Variants in DICER1 observed in about 807,000 individuals in gnomAD.
DICER1 encodes the protein endoribonuclease Dicer.
Under a neutral mutation model 194.1 loss-of-function variants are expected in DICER1, and 43 were observed. The observed-to-expected ratio is 0.22, with a 90% CI of 0.17 to 0.29. The LOEUF (loss-of-function observed/expected upper bound fraction) is 0.29, where lower values mean the gene tolerates loss of function less well. Ranked by LOEUF, DICER1 falls within the 10% of genes least tolerant of loss-of-function variation. The pLI, the probability that DICER1 is intolerant of heterozygous loss-of-function variation, is 1.00. For synonymous variants in DICER1, 832 were observed against 820.5 expected (o/e 1.01, Z -0.24); for missense variants, 1,608 against 2,317.0 (o/e 0.69, Z 6.28).
chr14:95,099,529 C>T (rs1890665853), intron 22 of DICER1, among the ~76,000 whole-genome samples: 1 of 151,804 alleles, frequency 6.6e-6, no homozygotes, highest in African/African-American at 2.4e-5. Flanking sequence ...ACTCTTATGC[C>T]TTTGGAAAAG....
At chr14:95,145,067 C>T (rs1489493306) in intron 1 of DICER1, among the ~76,000 whole-genome samples, 1 of 152,210 alleles carries the variant, frequency 6.6e-6, no homozygotes, top group African/African-American at 2.4e-5. Context: ...CAATTTATCA[C>T]TCTTTGTTAA....
chr14:95,142,632 G>A (rs949528398), intron 1 of DICER1, among the ~76,000 whole-genome samples: 2 of 152,166 alleles, frequency 1.3e-5, no homozygotes, highest in Non-Finnish European at 2.9e-5. Flanking sequence ...AATATGTCAA[G>A]TATAATAGCA....
chr14:95,091,444 G>C, intron 24 of DICER1, 79 bp from the exon 25 acceptor site: 1 of 1,346,684 alleles, frequency 7.4e-7, no homozygotes, highest in Non-Finnish European at 1.1e-6. Context: ...TCTTTTCTTG[G>C]ATATATGACT....
chr14:95,099,732 AC>A (rs1427353090), intron 22 of DICER1, 47 bp downstream of exon 22: 1 of 55,146 alleles, frequency 1.8e-5, no homozygotes. Flanking sequence ...CCCTCCAGTT[AC>A]ACACACACAC....
chr14:95,133,599 G>T, intron 1 of DICER1, 96 bp from the exon 2 acceptor site: 1 of 947,636 alleles, frequency 1.1e-6, no homozygotes, highest in Non-Finnish European at 1.6e-6. Context: ...TCATTCCTAT[G>T]AGCCATTCAA....
intron 1 of DICER1, chr14:95,140,621 C>T (rs1394219971): frequency 6.6e-6 from 1 of 152,182 alleles, no homozygotes; most frequent in African/African-American, 2.4e-5. Flanking sequence ...CAAGAATAAA[C>T]TCTCTTCCTC....
chr14:95,136,964 T>C (rs1054867045), intron 1 of DICER1, among the ~76,000 whole-genome samples: 7 of 152,120 alleles, frequency 4.6e-5, no homozygotes, highest in Admixed American at 2.6e-4. Flanking sequence ...TTGAATATTC[T>C]GGGATAAAAG....
At chr14:95,106,863 T>C (rs974063398) in intron 17 of DICER1, among the ~76,000 whole-genome samples, 6 of 152,214 alleles carry the variant, frequency 3.9e-5, no homozygotes, top group Non-Finnish European at 7.3e-5. Flanking sequence ...TCATTATTTA[T>C]AATCAAATTC....
At chr14:95,153,965 T>C (rs902686644) in intron 1 of DICER1, among the ~76,000 whole-genome samples, 1 of 152,138 alleles carries the variant, frequency 6.6e-6, no homozygotes, top group Admixed American at 6.5e-5. Flanking sequence ...TAAGAGCGAG[T>C]ATAATACATA....
chr14:95,156,970 C>A (rs1462092759), intron 1 of DICER1, among the ~76,000 whole-genome samples: 4 of 152,182 alleles, frequency 2.6e-5, no homozygotes, highest in African/African-American at 9.6e-5. Context: ...CCCGGAAAGT[C>A]TCCCAGGGCT....
chr14:95,119,992 A>G (rs1358991164), intron 8 of DICER1, among the ~76,000 whole-genome samples: 1 of 152,244 alleles, frequency 6.6e-6, no homozygotes. Flanking sequence ...TGAAAATAAC[A>G]TAACCAAAAA....
intron 1 of DICER1, among the ~76,000 whole-genome samples, chr14:95,156,092 A>G (rs192566224): frequency 3.3e-5 from 5 of 152,350 alleles, no homozygotes; most frequent in Non-Finnish European, 7.3e-5. Flanking sequence ...TTTTATTTAG[A>G]AAACTTAACG....
At position 95,116,623 on chromosome 14, in the gene DICER1, T is replaced by G. The variant is rs755649018; in HGVS notation, c.1582A>C (p.Ile528Leu). ...CGAACCACCAAGTTGCATTTTGGTA[T>G]ATCAACACCCTCTTCTACAATACTT... is the stretch of plus-strand genomic sequence containing the variant. ...ATSIVEEGVDIPKCNLVVRFD... is the reference protein window; with the variant it reads ...ATSIVEEGVDLPKCNLVVRFD... The change falls in exon 10 of 27, where the codon ATA (isoleucine) becomes CTA (leucine). Residue 528 changes from isoleucine (I) to leucine (L), a missense_variant. Ile to Leu is a conservative substitution (Grantham distance 5). Around this residue, in one of 10 missense-constraint regions of DICER1, gnomAD observed 657 missense variants for 910.1 expected, o/e 0.72. Coordinates refer to ENST00000343455, the MANE Select transcript of DICER1 (RefSeq NM_177438.3). 2 of 1,614,062 alleles carry G rather than the reference T, an allele frequency of 1.2e-6. No individual in the cohort carries two copies. The highest frequency in any genetic ancestry group is 2.2e-5 in the South Asian group (2 of 91,084).
chr14:95,144,435 T>C (rs1440053771), intron 1 of DICER1, among the ~76,000 whole-genome samples: 1 of 152,150 alleles, frequency 6.6e-6, no homozygotes, highest in East Asian at 1.9e-4. Context: ...TTTACTTGCC[T>C]GTAAAACAGA....
chr14:95,101,437 T>C lies in DICER1; in HGVS notation c.4051-1502A>G, dbSNP rs546376804. On this transcript the variant is annotated intron_variant, in intron 21 of 26. Transcript: ENST00000343455. ...ACACTTGTCCAAGCCTCTGATACTT[T>C]CTTCCTGCAACCACCTCTTGGAAAT... is the stretch of plus-strand genomic sequence containing the variant. Among the ~76,000 whole-genome samples the C allele has an allele frequency of 1.5e-3, 234 of 152,314 alleles. 2 individuals are homozygous for C. Among genetic ancestry groups the C allele is most frequent in the Non-Finnish European group, 2.8e-3 (189 of 68,022 alleles).
chr14:95,112,266 T>G lies in DICER1; in HGVS notation c.2041-19A>C, dbSNP rs377578297. 3 of 1,608,074 alleles carry G rather than the reference T, an allele frequency of 1.9e-6. No individual in the cohort carries two copies. The highest frequency in any genetic ancestry group is 2.7e-5 in the African/African-American group (2 of 74,794). Reference sequence around the variant, plus strand: ...GTGGACCCTGAAAATAACAAAAACCTTTCCATTATATATGCACATCGCTGT... The same window carrying G: ...GTGGACCCTGAAAATAACAAAAACCGTTCCATTATATATGCACATCGCTGT... On this transcript the variant is annotated intron_variant, in intron 12 of 26. Coordinates refer to ENST00000343455, the MANE Select transcript of DICER1 (RefSeq NM_177438.3).
At chr14:95,125,760 G>GGGGGA (rs1336273507) in intron 7 of DICER1, among the ~76,000 whole-genome samples, 9 of 88,866 alleles carry the variant, frequency 1.0e-4, no homozygotes, top group African/African-American at 4.0e-4. Flanking sequence ...GAGGGGAGGA[G>GGGGGA]GGGGAGGGGA....
chr14:95,116,403 A>G, intron 10 of DICER1, 50 bp downstream of exon 10: 1 of 1,595,076 alleles, frequency 6.3e-7, no homozygotes, highest in Non-Finnish European at 8.5e-7. Flanking sequence ...AAGAAGCCAC[A>G]TTAATTTTTT....
chr14:95,132,709 T>C (rs1894061032), intron 2 of DICER1, 32 bp from the exon 3 acceptor site: 3 of 1,604,374 alleles, frequency 1.9e-6, no homozygotes, highest in African/African-American at 2.7e-5. Context: ...AGTTATGCAC[T>C]TCTTACCTAA....
Sources: allele counts gnomAD v4.1 joint callset (sites outside exome capture counted in the v4.1 genomes callset), GRCh38; gene constraint gnomAD v4.1.1; regional missense constraint gnomAD v4.1.1; transcripts MANE v1.5; gene names NCBI Gene and HGNC (gene_info 2026-07-23, HGNC 2026-07-21).